Variants in RPS6KA1 observed in about 807,000 individuals in gnomAD.
The protein encoded by RPS6KA1 is ribosomal protein S6 kinase A1.
A neutral mutation model predicts 91.3 loss-of-function variants in RPS6KA1; 48 were observed. The ratio of observed to expected loss-of-function variants is 0.53; its 90% confidence interval spans 0.42 to 0.67. RPS6KA1 has a LOEUF of 0.67. Among genes scored for constraint, RPS6KA1 ranks in the 30% least tolerant of loss-of-function variants. The probability of loss-of-function intolerance (pLI) is 0.00; values close to 1 mark genes in which losing one functional copy is unlikely to be tolerated. For missense variants in RPS6KA1, 719 were observed against 960.5 expected (o/e 0.75, Z 3.32); for synonymous variants, 359 against 384.7 (o/e 0.93, Z 0.78).
At position 26,571,287 on chromosome 1, in the gene RPS6KA1, C is replaced by A; in HGVS notation, c.1591-162C>A. ...ACCTACACAGAGTCAGTAGCAGCAG[C>A]AATAAGACCATCATTTCAGCCCCTT... On this transcript the variant is annotated intron_variant, in intron 17 of 21. Transcript: ENST00000374168. This position sits in a 1 kb window ranked among gnomAD's most constrained non-coding sequence, Gnocchi z 5.1. 1.5e-6 allele frequency: 1 copy of A among 650,048 alleles called. No individual in the cohort carries two copies. The highest frequency in any genetic ancestry group is 2.7e-6 in the Non-Finnish European group (1 of 370,992). 40.3% of individuals were successfully genotyped at this position (650,048 alleles called of 1,614,324 possible).
chr1:26,546,045 C>A (rs1205477158), intron 2 of RPS6KA1: 1 of 1,610,518 alleles, frequency 6.2e-7, no homozygotes, highest in Non-Finnish European at 8.5e-7. Flanking sequence ...GGTGAGTGTG[C>A]CCGAATGTCT....
At position 26,561,471 on chromosome 1, in the gene RPS6KA1, G is replaced by A. The variant is rs1459704502; in HGVS notation, c.1432-34G>A. 1.9e-6 allele frequency: 3 copies of A among 1,613,728 alleles called. No individual in the cohort carries two copies. The highest frequency in any genetic ancestry group is 2.7e-5 in the African/African-American group (2 of 74,928). On this transcript the variant is annotated intron_variant, in intron 16 of 21. Coordinates refer to ENST00000374168, the MANE Select transcript of RPS6KA1 (RefSeq NM_002953.4). The surrounding 1 kb of genome is among the most constrained non-coding windows in gnomAD (Gnocchi z 5.7). ...GACCAGGGGGCTCAGGCCTGACACT[G>A]GGGAGAAGAGCCTGATGGTGAGGTC...
At chr1:26,546,833 C>A (rs1339993123) in intron 2 of RPS6KA1, 34 bp from the exon 3 acceptor site, 1 of 1,564,108 alleles carries the variant, frequency 6.4e-7, no homozygotes, top group Non-Finnish European at 8.8e-7. Context: ...CTGGATGGGG[C>A]CCACCATGCC....
At chr1:26,534,732 C>A (rs2075894058) in intron 1 of RPS6KA1, among the ~76,000 whole-genome samples, 1 of 152,158 alleles carries the variant, frequency 6.6e-6, no homozygotes. Context: ...ACTGAAGCCC[C>A]AGTAAATGAA....
chr1:26,536,844 G>A, intron 1 of RPS6KA1, 81 bp from the exon 2 acceptor site: 6 of 1,519,252 alleles, frequency 3.9e-6, no homozygotes, highest in Non-Finnish European at 9.1e-7. Flanking sequence ...GAGCACCTAA[G>A]GGTGGGGGTG....
intron 1 of RPS6KA1, among the ~76,000 whole-genome samples, chr1:26,533,208 T>A (rs941152314): frequency 5.3e-5 from 8 of 152,144 alleles, no homozygotes; most frequent in African/African-American, 1.9e-4. Context: ...GCCTCCTGAG[T>A]AGCTGGGACT....
intron 1 of RPS6KA1, chr1:26,531,476 A>T (rs1057361710): frequency 6.6e-6 from 1 of 152,010 alleles, no homozygotes; most frequent in African/African-American, 2.4e-5. Context: ...CTTTATGCTG[A>T]TAGGGAGGGT....
At chr1:26,543,052 G>C in intron 2 of RPS6KA1, 1 of 1,175,806 alleles carries the variant, frequency 8.5e-7, no homozygotes, top group East Asian at 2.6e-5. Flanking sequence ...TGCAGAGGGG[G>C]AAGTGAGAAG....
Position 26,561,363 on chromosome 1 carries a change from T to G in RPS6KA1, c.1432-142T>G. On this transcript the variant is annotated intron_variant, in intron 16 of 21. Coordinates refer to ENST00000374168, the MANE Select transcript of RPS6KA1 (RefSeq NM_002953.4). This position sits in a 1 kb window ranked among gnomAD's most constrained non-coding sequence, Gnocchi z 5.7. ...AGGAGACCAGTGTCAGCATCCTCCT[T>G]TTGGGGAAGGCAGGACCACTGAAGA... 1 of 1,111,850 alleles carries G rather than the reference T, an allele frequency of 9.0e-7. No homozygotes were observed. Among genetic ancestry groups the G allele is most frequent in the Non-Finnish European group, 1.3e-6 (1 of 757,906 alleles). The allele number at this position is 1,111,850 out of a possible 1,614,324, so 68.9% of individuals were successfully genotyped here.
In RPS6KA1 at chr1:26,553,417, G is replaced by A. The variant is rs372793504; in HGVS notation, c.495G>A (p.Lys165=). The change falls in exon 7 of 22, where the codon AAG becomes AAA. Residue 165 remains lysine, a synonymous_variant. Coordinates refer to ENST00000374168, the MANE Select transcript of RPS6KA1 (RefSeq NM_002953.4). ...TGATGTTCACGGAGGAGGATGTGAA[G>A]TTTTACCTGGCTGAGCTGGCTCTGG... ...KEVMFTEEDV[K]FYLAELALGL... 1.2e-6 allele frequency: 2 copies of A among 1,613,000 alleles called. No individual in the cohort carries two copies. The highest frequency in any genetic ancestry group is 1.7e-6 in the Non-Finnish European group (2 of 1,179,292).
rs1201358764 is a variant in RPS6KA1, at chr1:26,574,119, A to C, written c.2126A>C (p.Lys709Thr). The C allele has an allele frequency of 6.2e-7, 1 of 1,614,142 alleles. No individual in the cohort carries two copies. Among genetic ancestry groups the C allele is most frequent in the South Asian group, 1.1e-5 (1 of 91,088 alleles). Residue 709 changes from lysine (K) to threonine (T), a missense_variant, in exon 22 of 22, where the codon AAG (lysine) becomes ACG (threonine). By Grantham distance (78) the Lys-to-Thr change is moderately conservative. Coordinates refer to ENST00000374168, the MANE Select transcript of RPS6KA1 (RefSeq NM_002953.4). The surrounding 1 kb of genome is among the most constrained non-coding windows in gnomAD (Gnocchi z 4.3). ...ACGTACTCCGCACTCAACAGCTCCAAGCCCACCCCCCAGCTGAAGCCCATC... is the reference window on the plus strand; with the variant it reads ...ACGTACTCCGCACTCAACAGCTCCACGCCCACCCCCCAGCTGAAGCCCATC... Reference protein sequence around the residue: ...AATYSALNSSKPTPQLKPIES... With the variant: ...AATYSALNSSTPTPQLKPIES...
intron 2 of RPS6KA1, among the ~76,000 whole-genome samples, chr1:26,538,230 A>G (rs2075920770): frequency 6.6e-6 from 1 of 152,188 alleles, no homozygotes; most frequent in Admixed American, 6.5e-5. Flanking sequence ...TGTCTGCAGA[A>G]TCTCCTCCCA....
Position 26,555,078 on chromosome 1 carries a change from G to T in RPS6KA1, c.757-73G>T, listed in dbSNP as rs60069207. ...AGAATCCTGGGACTGGGGCAGAGGGGTCTGACTGGGAGGAGGCGGGAGGTG... is the reference window on the plus strand; with the variant it reads ...AGAATCCTGGGACTGGGGCAGAGGGTTCTGACTGGGAGGAGGCGGGAGGTG... On this transcript the variant is annotated intron_variant, in intron 9 of 21. Transcript: ENST00000374168. The surrounding 1 kb of genome is among the most constrained non-coding windows in gnomAD (Gnocchi z 4.3). 1 of 1,402,400 alleles carries T rather than the reference G, an allele frequency of 7.1e-7. No homozygotes were observed. Among genetic ancestry groups the T allele is most frequent in the Admixed American group, 1.7e-5 (1 of 57,884 alleles). The allele number at this position is 1,402,400 out of a possible 1,614,324, so 86.9% of individuals were successfully genotyped here. A position where few individuals can be genotyped will look rare whatever the true frequency, so the allele number is the denominator to read the frequency against.
At chr1:26,553,582 C>T (rs1217380336) in intron 7 of RPS6KA1, 85 bp downstream of exon 7, 2 of 798,530 alleles carry the variant, frequency 2.5e-6, no homozygotes, top group Non-Finnish European at 4.1e-6. Context: ...GTGGGCATGG[C>T]TTTCTCCAGA....
chr1:26,556,534 GC>G lies in RPS6KA1; in HGVS notation c.917-117del, dbSNP rs1395310513. On this transcript the variant is annotated intron_variant, in intron 11 of 21. Transcript: ENST00000374168. ...GCTGGGTAGATTTGAGGCTGAGTGA[GC>G]CCATTTTCCCCTCTGCTCCAGCAGC... The G allele has an allele frequency of 9.0e-6, 9 of 996,062 alleles. No individual in the cohort carries two copies. The African/African-American group carries it at 1.3e-4, about 14-fold the overall frequency. 61.7% of individuals were successfully genotyped at this position (996,062 alleles called of 1,614,324 possible).
rs1166107466 is a variant in RPS6KA1 at position 26,555,189 on chromosome 1, G to A, written c.795G>A (p.Lys265=). The A allele has an allele frequency of 1.9e-6, 3 of 1,614,010 alleles. No individual in the cohort carries two copies. The highest frequency in any genetic ancestry group is 2.5e-6 in the Non-Finnish European group (3 of 1,180,006). Reference sequence around the variant, plus strand: ...CGGGCTCCCTGCCCTTCCAGGGGAAGGACCGGAAGGAGACCATGACACTGA... The same window carrying A: ...CGGGCTCCCTGCCCTTCCAGGGGAAAGACCGGAAGGAGACCATGACACTGA... ...MLTGSLPFQG[K]DRKETMTLIL... The change falls in exon 10 of 22, where the codon AAG becomes AAA. Residue 265 remains lysine (K), a synonymous_variant. Transcript: ENST00000374168. This position sits in a 1 kb window ranked among gnomAD's most constrained non-coding sequence, Gnocchi z 4.3.
chr1:26,536,802 T>A, intron 1 of RPS6KA1, 123 bp from the exon 2 acceptor site: 1 of 1,093,270 alleles, frequency 9.1e-7, no homozygotes, highest in South Asian at 1.3e-5. Flanking sequence ...CCAGGACTCC[T>A]GCCCTACCAC....
rs1428085215 is a variant in RPS6KA1 at position 26,554,266 on chromosome 1, C to G, written c.613+15C>G. The G allele has an allele frequency of 6.4e-7, 1 of 1,556,318 alleles. No homozygotes were observed. The highest frequency in any genetic ancestry group is 1.4e-5 in the African/African-American group (1 of 73,456). On this transcript the variant is annotated intron_variant, in intron 8 of 21. Transcript: ENST00000374168. This position sits in a 1 kb window ranked among gnomAD's most constrained non-coding sequence, Gnocchi z 4.6. The stretch of plus-strand genomic sequence containing the variant: ...CAAACTCACTGGTGAGTGGAGGGCG[C>G]CTGCCCCCTCGGGACCCAGGGGAGG...
intron 2 of RPS6KA1, among the ~76,000 whole-genome samples, chr1:26,542,233 T>C (rs1386370329): frequency 6.6e-6 from 1 of 152,104 alleles, no homozygotes; most frequent in Non-Finnish European, 1.5e-5. Flanking sequence ...AGGGTGAGCT[T>C]TGGGGCTTCC....
Sources: allele counts gnomAD v4.1 joint callset (sites outside exome capture counted in the v4.1 genomes callset), GRCh38; gene constraint gnomAD v4.1.1; non-coding constraint Gnocchi (gnomAD v3.1); transcripts MANE v1.5; gene names NCBI Gene and HGNC (gene_info 2026-07-23, HGNC 2026-07-21).